Variants in ERF observed in about 807,000 individuals in gnomAD.
ERF encodes the protein ETS2 repressor factor.
A neutral mutation model predicts 41.6 loss-of-function variants in ERF; 10 were observed. The ratio of observed to expected loss-of-function variants is 0.24; its 90% CI spans 0.15 to 0.41. The LOEUF is 0.41. ERF is among the 10% of genes least tolerant of loss of function. The probability of loss-of-function intolerance (pLI) is 1.00; values close to 1 mark genes in which losing one functional copy is unlikely to be tolerated. For synonymous variants in ERF, 395 were observed against 342.4 expected (o/e 1.15, Z -1.70); for missense variants, 621 against 763.2 (o/e 0.81, Z 2.19).
chr19:42,255,085 G>A lies in ERF; in HGVS notation c.-86C>T. ...CCCCGTCCCGTCCCGCGCCCGTCGGGCCGCCCTCGCCGCCTCACCCGGCCT... is the reference window on the plus strand; with the variant it reads ...CCCCGTCCCGTCCCGCGCCCGTCGGACCGCCCTCGCCGCCTCACCCGGCCT... On this transcript the variant is annotated 5_prime_UTR_variant, in exon 1 of 4. Transcript: ENST00000222329. 8.7e-7 allele frequency: 1 copy of A among 1,146,814 alleles called. No individual in the cohort carries two copies. Among genetic ancestry groups the A allele is most frequent in the Non-Finnish European group, 1.1e-6 (1 of 901,592 alleles). The allele number at this position is 1,146,814 out of a possible 1,614,324, so 71.0% of individuals were successfully genotyped here. A position where few individuals can be genotyped will look rare whatever the true frequency, so the allele number is the denominator to read the frequency against.
In ERF at chr19:42,248,703, T is replaced by G; in HGVS notation, c.1409A>C (p.Glu470Ala). 6.2e-7 allele frequency: 1 copy of G among 1,612,316 alleles called. No homozygotes were observed. ...CATGCACTGGGATGCCCCGGGTGCCTCGCCGGGCTCAGGCTTAGGGGGTGC... is the reference window on the plus strand; with the variant it reads ...CATGCACTGGGATGCCCCGGGTGCCGCGCCGGGCTCAGGCTTAGGGGGTGC... ...PPAPPKPEPG[E>A]APGASQCMPL... Residue 470 changes from glutamate (E) to alanine (A), a missense_variant, in exon 4 of 4, where the codon GAG (glutamate) becomes GCG (alanine). Transcript: ENST00000222329. This position sits in a 1 kb window ranked among gnomAD's most constrained non-coding sequence, Gnocchi z 4.2.
Position 42,248,542 on chromosome 19 carries a change from G to GC in ERF, c.1569dup (p.Pro524AlafsTer10). 3 of 1,548,776 alleles carry GC rather than the reference G, an allele frequency of 1.9e-6. No individual in the cohort carries two copies. Among genetic ancestry groups the GC allele is most frequent in the Non-Finnish European group, 2.6e-6 (3 of 1,149,468 alleles). On this transcript the variant is annotated frameshift_variant, in exon 4 of 4. Transcript: ENST00000222329. LOFTEE classifies it high-confidence loss of function. This position sits in a 1 kb window ranked among gnomAD's most constrained non-coding sequence, Gnocchi z 4.2. Reference sequence around the variant, plus strand: ...GAGCTCACCCGCCTTGGGGTGAGGGGCCCCCCAGCCTCCCCAGGCCCCTCC... The same window carrying GC: ...GAGCTCACCCGCCTTGGGGTGAGGGGCCCCCCCAGCCTCCCCAGGCCCCTCC...
In ERF at chr19:42,248,402, G is replaced by GGGC. The variant is rs1387768250; in HGVS notation, c.*60_*62dup. On this transcript the variant is annotated 3_prime_UTR_variant, in exon 4 of 4. Transcript: ENST00000222329. The surrounding 1 kb of genome is among the most constrained non-coding windows in gnomAD (Gnocchi z 4.2). The stretch of plus-strand genomic sequence containing the variant: ...GCTGCCCTCACCTCCAGGGCATAGG[G>GGGC]GGCTTAAGGCAGCAAAAGAAGCATG... The GGGC allele has an allele frequency of 7.2e-7, 1 of 1,393,332 alleles. No homozygotes were observed. Among genetic ancestry groups the GGGC allele is most frequent in the Non-Finnish European group, 9.3e-7 (1 of 1,070,378 alleles). The allele number at this position is 1,393,332 out of a possible 1,614,324, so 86.3% of individuals were successfully genotyped here. A position where few individuals can be genotyped will look rare whatever the true frequency, so the allele number is the denominator to read the frequency against.
Position 42,248,945 on chromosome 19 carries a change from C to A in ERF, c.1167G>T (p.Arg389=). 6.2e-7 allele frequency: 1 copy of A among 1,606,288 alleles called. No homozygotes were observed. ...CGGCTACGGCCTTCTCCCCAGCTGC[C>A]CGCTGCCGGCGTCCGAGTGGGGGCG... ...LQPPPLGRRQ[R]AAGEKAVAGA... The change falls in exon 4 of 4, where the codon CGG becomes CGT. Residue 389 remains arginine, a synonymous_variant. Transcript: ENST00000222329. The surrounding 1 kb of genome is among the most constrained non-coding windows in gnomAD (Gnocchi z 4.2).
At chr19:42,251,257 C>A (rs950327076) in intron 1 of ERF, 1 of 986,158 alleles carries the variant, frequency 1.0e-6, no homozygotes, top group African/African-American at 1.7e-5. Flanking sequence ...ATCCAGGCCC[C>A]ACCTGGCTGG....
In ERF at chr19:42,249,108, G is replaced by T; in HGVS notation, c.1004C>A (p.Pro335His). The change falls in exon 4 of 4, where the codon CCT (proline) becomes CAT (histidine). Residue 335 changes from proline (P) to histidine (H), a missense_variant. Physicochemically the swap from Pro to His is moderately conservative, Grantham distance 77. Transcript: ENST00000222329. The surrounding 1 kb of genome is among the most constrained non-coding windows in gnomAD (Gnocchi z 8.6). ...HLSPRAFLHY[P>H]GLVVPQPQRP... The stretch of plus-strand genomic sequence containing the variant: ...CTGGGGCTGGGGCACCACCAGCCCA[G>T]GGTAGTGCAGGAAGGCGCGGGGGCT... The T allele has an allele frequency of 6.2e-7, 1 of 1,613,826 alleles. No homozygotes were observed.
chr19:42,248,328 T>C lies in ERF; in HGVS notation c.*137A>G. The stretch of plus-strand genomic sequence containing the variant: ...TTAAAAAAAAGAAATTAAAGTTTTA[T>C]ACAAAATGTGGGGAGGGAAAAGGGA... On this transcript the variant is annotated 3_prime_UTR_variant, in exon 4 of 4. Coordinates refer to ENST00000222329, the MANE Select transcript of ERF (RefSeq NM_006494.4). The surrounding 1 kb of genome is among the most constrained non-coding windows in gnomAD (Gnocchi z 4.2). The C allele has an allele frequency of 1.3e-6, 1 of 742,930 alleles. No homozygotes were observed. The highest frequency in any genetic ancestry group is 1.9e-6 in the Non-Finnish European group (1 of 532,212). The allele number at this position is 742,930 out of a possible 1,614,324, so 46.0% of individuals were successfully genotyped here. A position where few individuals can be genotyped will look rare whatever the true frequency, so the allele number is the denominator to read the frequency against.
Position 42,250,786 on chromosome 19 carries a change from A to G in ERF, c.23-221T>C, listed in dbSNP as rs111862714. ...GGGAGGGGAAGCTGGAGCCCGCTCC[A>G]GCGACACCGGGAGAAACAGGAAACC... On this transcript the variant is annotated intron_variant, in intron 1 of 3. Coordinates refer to ENST00000222329, the MANE Select transcript of ERF (RefSeq NM_006494.4). The surrounding 1 kb of genome is among the most constrained non-coding windows in gnomAD (Gnocchi z 5.1). Among the ~76,000 whole-genome samples the G allele has an allele frequency of 0.067, 10,175 of 152,168 alleles. 440 individuals carry two copies. Among genetic ancestry groups the G allele is most frequent in the South Asian group, 0.18 (841 of 4,800 alleles).
chr19:42,251,665 C>T (rs2036448232), intron 1 of ERF, among the ~76,000 whole-genome samples: 1 of 152,076 alleles, frequency 6.6e-6, no homozygotes, highest in South Asian at 2.1e-4. Context: ...AGTCAGGCTG[C>T]AGGGGTCAAT....
rs778754760 is a variant in ERF, at chr19:42,248,760, C to T, written c.1352G>A (p.Gly451Glu). The T allele has an allele frequency of 6.2e-7, 1 of 1,613,584 alleles. No homozygotes were observed. Among genetic ancestry groups the T allele is most frequent in the Non-Finnish European group, 8.5e-7 (1 of 1,179,964 alleles). The change falls in exon 4 of 4, where the codon GGG becomes GAG. Residue 451 changes from glycine to glutamate, a missense_variant. Gly to Glu is a moderately conservative substitution (Grantham distance 98, BLOSUM62 -2). Coordinates refer to ENST00000222329, the MANE Select transcript of ERF (RefSeq NM_006494.4). This position sits in a 1 kb window ranked among gnomAD's most constrained non-coding sequence, Gnocchi z 4.2. The part of the protein sequence containing the change: ...TDISDEDEED[G>E]EVFKTPRAPP... ...GGCACGGGGCGTCTTGAACACCTCC[C>T]CGTCTTCCTCATCCTCATCACTGAT...
Position 42,248,856 on chromosome 19 carries a change from G to A in ERF, c.1256C>T (p.Pro419Leu), listed in dbSNP as rs781509895. 1.9e-5 allele frequency: 31 copies of A among 1,609,856 alleles called. No individual in the cohort carries two copies. Among genetic ancestry groups the A allele is most frequent in the African/African-American group, 5.3e-5 (4 of 75,000 alleles). ...LAEGAGALAP[P>L]PPPPQIKVEP... ...CACCTTGATCTGTGGTGGCGGGGGC[G>A]GTGGGGCTAGCGCCCCTGCCCCCTC... Residue 419 changes from proline (P) to leucine (L), a missense_variant, in exon 4 of 4, where the codon CCG (proline) becomes CTG (leucine). Coordinates refer to ENST00000222329, the MANE Select transcript of ERF (RefSeq NM_006494.4). The surrounding 1 kb of genome is among the most constrained non-coding windows in gnomAD (Gnocchi z 4.2).
chr19:42,253,853 A>G, intron 1 of ERF: 1 of 1,069,332 alleles, frequency 9.4e-7, no homozygotes, highest in South Asian at 2.5e-5. Context: ...CGCACACAGG[A>G]GCCCGAGCCG....
rs1004542321 is a variant in ERF, at chr19:42,251,563, A to G, written c.23-998T>C. On this transcript the variant is annotated intron_variant, in intron 1 of 3. Coordinates refer to ENST00000222329, the MANE Select transcript of ERF (RefSeq NM_006494.4). ...GGGTGGGAGGAGGGAAAGGGGAGGA[A>G]GGGAAGGAGTGGGGAGGCAGAGCAG... 7 of 180,802 alleles carry G rather than the reference A, an allele frequency of 3.9e-5. No individual in the cohort carries two copies. The Admixed American group carries it at 4.6e-4, about 12-fold the overall frequency. 11.2% of individuals were successfully genotyped at this position (180,802 alleles called of 1,614,324 possible).
chr19:42,253,965 C>T, intron 1 of ERF: 1 of 1,014,194 alleles, frequency 9.9e-7, no homozygotes, highest in Non-Finnish European at 1.2e-6. Context: ...CGGATTCCGA[C>T]GGGGTAGACG....
At position 42,250,035 on chromosome 19, in the gene ERF, A is replaced by G; in HGVS notation, c.258-93T>C. On this transcript the variant is annotated intron_variant, in intron 2 of 3. Coordinates refer to ENST00000222329, the MANE Select transcript of ERF (RefSeq NM_006494.4). The surrounding 1 kb of genome is among the most constrained non-coding windows in gnomAD (Gnocchi z 5.1). Reference sequence around the variant, plus strand: ...ACACGCACTTAGGTGTGGTTCCCAAAGGCCAACTGAGGAACGTAGGCCACA... The same window carrying G: ...ACACGCACTTAGGTGTGGTTCCCAAGGGCCAACTGAGGAACGTAGGCCACA... The G allele has an allele frequency of 8.2e-7, 1 of 1,216,640 alleles. No homozygotes were observed. Among genetic ancestry groups the G allele is most frequent in the South Asian group, 1.2e-5 (1 of 81,218 alleles). 75.4% of individuals were successfully genotyped at this position (1,216,640 alleles called of 1,614,324 possible).
intron 1 of ERF, among the ~76,000 whole-genome samples, chr19:42,251,947 C>T (rs1392470878): frequency 6.6e-6 from 1 of 152,160 alleles, no homozygotes; most frequent in Non-Finnish European, 1.5e-5. Context: ...CCACCAGCCC[C>T]TCAGGGTGCC....
chr19:42,249,414 C>A lies in ERF; in HGVS notation c.698G>T (p.Arg233Leu). ...ARLPHDPGVF[R>L]VYPRPRGGPE... ...GCCACCCCGAGGCCGGGGATAGACT[C>A]GGAAGACACCAGGGTCATGGGGCAG... Residue 233 changes from arginine to leucine, a missense_variant, in exon 4 of 4, where the codon CGA becomes CTA. Arg to Leu is a moderately radical substitution (Grantham distance 102). Around this residue, in one of 3 missense-constraint regions of ERF, gnomAD observed 569 missense variants for 625.5 expected, o/e 0.91. Coordinates refer to ENST00000222329, the MANE Select transcript of ERF (RefSeq NM_006494.4). The surrounding 1 kb of genome is among the most constrained non-coding windows in gnomAD (Gnocchi z 8.6). 1 of 1,584,040 alleles carries A rather than the reference C, an allele frequency of 6.3e-7. No individual in the cohort carries two copies. Among genetic ancestry groups the A allele is most frequent in the Non-Finnish European group, 8.6e-7 (1 of 1,165,594 alleles).
At position 42,250,243 on chromosome 19, in the gene ERF, G is replaced by C; in HGVS notation, c.257+88C>G. 1.4e-6 allele frequency: 2 copies of C among 1,473,936 alleles called. No homozygotes were observed. The highest frequency in any genetic ancestry group is 2.5e-5 in the South Asian group (2 of 79,458). The allele number at this position is 1,473,936 out of a possible 1,614,324, so 91.3% of individuals were successfully genotyped here. A position where few individuals can be genotyped will look rare whatever the true frequency, so the allele number is the denominator to read the frequency against. ...TAGGATTTGGCAAAGCCAGGGGTCA[G>C]ACCCAATGCTTGTTCCCACAGGCAA... On this transcript the variant is annotated intron_variant, in intron 2 of 3. Coordinates refer to ENST00000222329, the MANE Select transcript of ERF (RefSeq NM_006494.4). The surrounding 1 kb of genome is among the most constrained non-coding windows in gnomAD (Gnocchi z 5.1).
chr19:42,252,966 G>A (rs962435491), intron 1 of ERF, among the ~76,000 whole-genome samples: 2 of 152,158 alleles, frequency 1.3e-5, no homozygotes, highest in African/African-American at 4.8e-5. Flanking sequence ...GGAGAGAGGG[G>A]TTCAGGAGAC....
Sources: allele counts gnomAD v4.1 joint callset (sites outside exome capture counted in the v4.1 genomes callset), GRCh38; gene constraint gnomAD v4.1.1; regional missense constraint gnomAD v4.1.1; non-coding constraint Gnocchi (gnomAD v3.1); transcripts MANE v1.5; gene names NCBI Gene and HGNC (gene_info 2026-07-23, HGNC 2026-07-21).